LRRIQ3: variants seen among roughly 807,000 people sequenced by gnomAD.
LRRIQ3 encodes the protein leucine-rich repeat and IQ domain-containing protein 3.
A neutral mutation model predicts 59.3 loss-of-function variants in LRRIQ3; 75 were observed. The observed-to-expected ratio is 1.26, with a 90% CI of 1.05 to 1.53. The LOEUF (loss-of-function observed/expected upper bound fraction) is 1.53. Among genes scored for constraint, LRRIQ3 ranks in the 40% most tolerant of loss-of-function variants. The pLI is 0.00. For missense variants in LRRIQ3, 831 were observed against 710.0 expected (o/e 1.17, Z -1.94); for synonymous variants, 250 against 231.3 (o/e 1.08, Z -0.73).
At chr1:74,116,710 T>C (rs1452787338) in intron 4 of LRRIQ3, among the ~76,000 whole-genome samples, 2 of 152,044 alleles carry the variant, frequency 1.3e-5, no homozygotes, top group African/African-American at 2.4e-5. Context: ...AGAAAGAAGA[T>C]ACATATGTTT....
At chr1:74,084,992 T>C (rs1388075188) in intron 5 of LRRIQ3, among the ~76,000 whole-genome samples, 1 of 151,770 alleles carries the variant, frequency 6.6e-6, no homozygotes, top group Admixed American at 6.6e-5. Flanking sequence ...ATCAGTTTTA[T>C]TTCTATAGCT....
At chr1:74,067,533 C>T (rs181680784) in intron 6 of LRRIQ3, among the ~76,000 whole-genome samples, 5 of 152,178 alleles carry the variant, frequency 3.3e-5, no homozygotes, top group Non-Finnish European at 2.9e-5. Context: ...GTATTTTAGG[C>T]TAAAATTCTC....
chr1:74,186,575 C>T (rs950583406), intron 1 of LRRIQ3, among the ~76,000 whole-genome samples: 6 of 152,120 alleles, frequency 3.9e-5, no homozygotes, highest in African/African-American at 9.7e-5. Flanking sequence ...TATTTTTCTA[C>T]ATAAAATTTG....
chr1:74,081,297 T>G (rs1017778538), intron 5 of LRRIQ3, among the ~76,000 whole-genome samples: 2 of 151,654 alleles, frequency 1.3e-5, no homozygotes, highest in African/African-American at 4.8e-5. Flanking sequence ...TATATTATGC[T>G]GCAAGTGTCC....
At chr1:74,036,824 G>A (rs1653887182) in intron 7 of LRRIQ3, among the ~76,000 whole-genome samples, 1 of 151,960 alleles carries the variant, frequency 6.6e-6, no homozygotes, top group African/African-American at 2.4e-5. Flanking sequence ...GATCACAGAG[G>A]GGCAGAAAAA....
At chr1:74,147,735 T>C (rs1270977714) in intron 4 of LRRIQ3, among the ~76,000 whole-genome samples, 1 of 152,230 alleles carries the variant, frequency 6.6e-6, no homozygotes, top group Non-Finnish European at 1.5e-5. Context: ...TTTTGTCTTT[T>C]GTCAGTTTAA....
chr1:74,054,228 A>C (rs1557594696), intron 6 of LRRIQ3, among the ~76,000 whole-genome samples: 1 of 151,830 alleles, frequency 6.6e-6, no homozygotes, highest in Admixed American at 6.6e-5. Flanking sequence ...ATAAAAAAAA[A>C]CCACGAAAAA....
intron 4 of LRRIQ3, among the ~76,000 whole-genome samples, chr1:74,134,604 C>T (rs1002452917): frequency 2.0e-5 from 3 of 151,458 alleles, no homozygotes; most frequent in African/African-American, 7.3e-5. Flanking sequence ...TATAGAGCAA[C>T]AGTAGGGCAA....
chr1:74,097,051 G>A (rs1012865232), intron 5 of LRRIQ3, among the ~76,000 whole-genome samples: 3 of 152,096 alleles, frequency 2.0e-5, no homozygotes, highest in Admixed American at 2.0e-4. Flanking sequence ...TCCATGCTGG[G>A]AGAACCACTA....
chr1:74,145,708 A>T (rs1413681204), intron 4 of LRRIQ3, among the ~76,000 whole-genome samples: 10 of 151,806 alleles, frequency 6.6e-5, no homozygotes, highest in Non-Finnish European at 1.5e-4. Context: ...TGAATTACTA[A>T]TTTTTTTCTT....
chr1:74,144,654 A>T (rs2100644525), intron 4 of LRRIQ3: 1 of 191,582 alleles, frequency 5.2e-6, no homozygotes, highest in East Asian at 1.7e-4. Context: ...TATAAAGCTA[A>T]TTAGTAAATA....
At chr1:74,059,416 A>G (rs1009386497) in intron 6 of LRRIQ3, among the ~76,000 whole-genome samples, 3 of 152,018 alleles carry the variant, frequency 2.0e-5, no homozygotes, top group Admixed American at 6.6e-5. Context: ...TAATTTTTGT[A>G]CATGGTGTGA....
Position 74,096,348 on chromosome 1 carries a change from G to A in LRRIQ3, c.867+13046C>T, listed in dbSNP as rs1442528833. On this transcript the variant is annotated intron_variant, in intron 5 of 7. Transcript: ENST00000354431. ...TTTAAAAAGATTTCAGGAACCTAAG[G>A]TGGTCCCTGAACTACACTTTGAGAA... 2.0e-5 allele frequency among the ~76,000 whole-genome samples: 3 copies of A among 152,030 alleles called. No homozygotes were observed. In the East Asian group the frequency reaches 5.8e-4, roughly 29 times the overall value.
chr1:74,084,264 A>G (rs1278444976), intron 5 of LRRIQ3: 1 of 1,515,592 alleles, frequency 6.6e-7, no homozygotes, highest in Non-Finnish European at 8.9e-7. Context: ...AAAATCAGTT[A>G]AACTCTTGAG....
Position 74,032,554 on chromosome 1 carries a change from A to G in LRRIQ3, c.1719-5585T>C, listed in dbSNP as rs545524652. ...GCTTCCCTCTATTTTTAAGTCAGCA[A>G]TATCATGTAAAACCCTTCTTATACT... On this transcript the variant is annotated intron_variant, in intron 7 of 7. Coordinates refer to ENST00000354431, the MANE Select transcript of LRRIQ3 (RefSeq NM_001105659.2). Among the ~76,000 whole-genome samples the G allele has an allele frequency of 1.6e-3, 243 of 152,180 alleles. 1 individual carries two copies. Among genetic ancestry groups the G allele is most frequent in the Non-Finnish European group, 2.7e-3 (181 of 67,988 alleles).
chr1:74,044,258 C>T (rs1458082351), intron 6 of LRRIQ3, among the ~76,000 whole-genome samples: 1 of 151,984 alleles, frequency 6.6e-6, no homozygotes, highest in African/African-American at 2.4e-5. Context: ...CCTCCAAATC[C>T]CATGTTGAAA....
chr1:74,097,342 G>A (rs1016534534), intron 5 of LRRIQ3, among the ~76,000 whole-genome samples: 1 of 152,088 alleles, frequency 6.6e-6, no homozygotes, highest in Admixed American at 6.6e-5. Flanking sequence ...GAAATGAAGC[G>A]AGAAGAGAAG....
At chr1:74,190,327 T>TA (rs1439204143) in intron 1 of LRRIQ3, among the ~76,000 whole-genome samples, 1 of 151,624 alleles carries the variant, frequency 6.6e-6, no homozygotes, top group Non-Finnish European at 1.5e-5. Flanking sequence ...TAAGAAAGAA[T>TA]AAAAAAGAAA....
chr1:74,157,461 A>C (rs1234994807), intron 3 of LRRIQ3, among the ~76,000 whole-genome samples: 1 of 152,094 alleles, frequency 6.6e-6, no homozygotes, highest in Non-Finnish European at 1.5e-5. Flanking sequence ...ACCTATCCTT[A>C]AATCCTAACT....
Sources: gnomAD v4.1 joint callset for allele counts (sites outside exome capture counted in the v4.1 genomes callset) on GRCh38, gnomAD v4.1.1 for gene constraint, MANE v1.5 for transcripts, NCBI Gene and HGNC (gene_info 2026-07-23, HGNC 2026-07-21) for gene names.